Variants in NTM observed in about 807,000 individuals in gnomAD.
The protein encoded by NTM is IgLON family member 2.
NTM carries 13 observed loss-of-function variants against 42.1 expected under a neutral mutation model. The ratio of observed to expected loss-of-function variants is 0.31; its 90% CI spans 0.20 to 0.49. NTM has a LOEUF of 0.49. Among genes scored for constraint, NTM ranks in the 20% least tolerant of loss-of-function variants. The pLI is 0.99. For synonymous variants in NTM, 187 were observed against 179.2 expected (o/e 1.04, Z -0.35); for missense variants, 373 against 452.8 (o/e 0.82, Z 1.60).
At chr11:132,089,242 C>T (rs1006134748) in intron 2 of NTM, among the ~76,000 whole-genome samples, 1 of 152,194 alleles carries the variant, frequency 6.6e-6, no homozygotes, top group Non-Finnish European at 1.5e-5. Context: ...TGCACTTTGG[C>T]TTTCACTGGA....
intron 3 of NTM, among the ~76,000 whole-genome samples, chr11:132,174,850 A>G (rs894506695): frequency 1.3e-5 from 2 of 151,978 alleles, no homozygotes; most frequent in African/African-American, 4.8e-5. Flanking sequence ...TGTTCAGATT[A>G]TTGTTGCTCT....
chr11:131,791,457 A>G (rs1452484480), intron 1 of NTM, among the ~76,000 whole-genome samples: 2 of 152,236 alleles, frequency 1.3e-5, no homozygotes, highest in Non-Finnish European at 2.9e-5. Flanking sequence ...AGAAATCCAC[A>G]TATCACGGAT....
At chr11:131,920,728 C>G (rs1398846092) in intron 2 of NTM, among the ~76,000 whole-genome samples, 1 of 152,110 alleles carries the variant, frequency 6.6e-6, no homozygotes, top group Admixed American at 6.5e-5. Flanking sequence ...ATGAACTAAT[C>G]TTACAATCTT....
intron 3 of NTM, among the ~76,000 whole-genome samples, chr11:132,161,864 A>G (rs1227427298): frequency 6.6e-6 from 1 of 152,190 alleles, no homozygotes; most frequent in African/African-American, 2.4e-5. Flanking sequence ...AGAGAGGATA[A>G]GATAATCAGA....
chr11:132,102,847 G>A (rs1459663581), intron 2 of NTM, among the ~76,000 whole-genome samples: 3 of 152,194 alleles, frequency 2.0e-5, no homozygotes, highest in Non-Finnish European at 4.4e-5. Context: ...GCTGTGTGGA[G>A]CCTGTCTTCC....
At chr11:131,813,844 C>T (rs1048002946) in intron 1 of NTM, among the ~76,000 whole-genome samples, 4 of 151,808 alleles carry the variant, frequency 2.6e-5, no homozygotes, top group Non-Finnish European at 5.9e-5. Context: ...TCTTTACCAT[C>T]TCATAGTTGT....
At chr11:131,845,631 A>G (rs879581972) in intron 1 of NTM, among the ~76,000 whole-genome samples, 20 of 151,830 alleles carry the variant, frequency 1.3e-4, no homozygotes, top group Admixed American at 7.2e-4. Flanking sequence ...TAGTATATCT[A>G]ATTCATCTCT....
rs192730109 is a variant in NTM at position 132,308,186 on chromosome 11, G to A, written c.661+363G>A. Among the ~76,000 whole-genome samples the A allele has an allele frequency of 6.6e-4, 101 of 152,246 alleles. 1 individual carries two copies. The highest frequency in any genetic ancestry group is 2.2e-3 in the African/African-American group (91 of 41,528). The stretch of plus-strand genomic sequence containing the variant: ...TACAGTTGTGCTGGAGCCTCTCACT[G>A]TCTAGACCAGACATCTCCATAATGG... On this transcript the variant is annotated intron_variant, in intron 5 of 8. Coordinates refer to ENST00000683400, the MANE Select transcript of NTM (RefSeq NM_001352005.2).
At chr11:131,970,629 G>A (rs1333220010) in intron 2 of NTM, among the ~76,000 whole-genome samples, 1 of 152,162 alleles carries the variant, frequency 6.6e-6, no homozygotes, top group African/African-American at 2.4e-5. Flanking sequence ...TTTATTCCCA[G>A]GCTTATGCCA....
chr11:132,122,744 C>T (rs1385820354), intron 2 of NTM, among the ~76,000 whole-genome samples: 2 of 152,126 alleles, frequency 1.3e-5, no homozygotes, highest in Non-Finnish European at 2.9e-5. Flanking sequence ...AGGGACTCAC[C>T]CCTTTCTCCC....
chr11:132,017,818 T>A (rs1437246130), intron 2 of NTM, among the ~76,000 whole-genome samples: 1 of 151,996 alleles, frequency 6.6e-6, no homozygotes, highest in Non-Finnish European at 1.5e-5. Context: ...CTGTTTTAAT[T>A]TCACTACACA....
intron 1 of NTM, among the ~76,000 whole-genome samples, chr11:131,704,483 A>G (rs2076388742): frequency 6.6e-6 from 1 of 152,244 alleles, no homozygotes; most frequent in Non-Finnish European, 1.5e-5. Context: ...TGACTGGTGA[A>G]GGACTTTACA....
chr11:131,955,972 T>C (rs2061517206), intron 2 of NTM, among the ~76,000 whole-genome samples: 1 of 152,284 alleles, frequency 6.6e-6, no homozygotes, highest in Non-Finnish European at 1.5e-5. Context: ...ACAGAACTTG[T>C]GAGGGCAGAG....
intron 1 of NTM, among the ~76,000 whole-genome samples, chr11:131,527,423 C>A (rs2050657430): frequency 6.6e-6 from 1 of 152,222 alleles, no homozygotes; most frequent in Non-Finnish European, 1.5e-5. Flanking sequence ...TGACCACCAC[C>A]TGGATATTCT....
chr11:131,919,039 G>A (rs1592856272), intron 2 of NTM, among the ~76,000 whole-genome samples: 1 of 152,034 alleles, frequency 6.6e-6, no homozygotes, highest in African/African-American at 2.4e-5. Context: ...AATTCTAGGA[G>A]GATTCTACAG....
At chr11:131,747,987 G>C (rs1057498025) in intron 1 of NTM, among the ~76,000 whole-genome samples, 2 of 152,156 alleles carry the variant, frequency 1.3e-5, no homozygotes, top group East Asian at 3.9e-4. Flanking sequence ...ACCTGCCATT[G>C]TGCATTGTGA....
At chr11:131,633,776 T>C (rs1352367461) in intron 1 of NTM, among the ~76,000 whole-genome samples, 1 of 73,200 alleles carries the variant, frequency 1.4e-5, no homozygotes, top group Non-Finnish European at 3.5e-5. Flanking sequence ...CCTCTCTCTC[T>C]CTCTCTCTCT....
At position 131,737,999 on chromosome 11, in the gene NTM, G is replaced by A. The variant is rs112929010; in HGVS notation, c.83-173565G>A. 7.2e-3 allele frequency among the ~76,000 whole-genome samples: 1,098 copies of A among 152,238 alleles called. 10 individuals are homozygous for A. Among genetic ancestry groups the A allele is most frequent in the African/African-American group, 0.024 (1,007 of 41,534 alleles). On this transcript the variant is annotated intron_variant, in intron 1 of 8. Coordinates refer to ENST00000683400, the MANE Select transcript of NTM (RefSeq NM_001352005.2). ...CCAAATTTGTGTTGTCTCCCAGCAC[G>A]GCTGTAATTACACTGTAGATCAAAC...
At chr11:132,317,807 AG>A in intron 7 of NTM, 1 of 481,796 alleles carries the variant, frequency 2.1e-6, no homozygotes, top group Non-Finnish European at 3.7e-6. Context: ...AGGATGTGGA[AG>A]GCTATTGAAG....
Sources: gnomAD v4.1 joint callset for allele counts (sites outside exome capture counted in the v4.1 genomes callset) on GRCh38, gnomAD v4.1.1 for gene constraint, MANE v1.5 for transcripts, NCBI Gene and HGNC (gene_info 2026-07-23, HGNC 2026-07-21) for gene names.